Variants in SMG1 observed in about 807,000 individuals in gnomAD.
SMG1 encodes serine/threonine-protein kinase SMG1.
Under a neutral mutation model 419.9 loss-of-function variants are expected in SMG1, and 22 were observed. The observed-to-expected ratio is 0.05, with a 90% CI of 0.04 to 0.07. The LOEUF (loss-of-function observed/expected upper bound fraction) is 0.07, where lower values mean the gene tolerates loss of function less well. Ranked by LOEUF, SMG1 falls within the 10% of genes least tolerant of loss-of-function variation. The pLI, the probability that SMG1 is intolerant of heterozygous loss-of-function variation, is 1.00. For missense variants in SMG1, 3,185 were observed against 4,342.0 expected (o/e 0.73, Z 7.49); for synonymous variants, 1,538 against 1,553.5 (o/e 0.99, Z 0.23).
chr16:18,891,038 T>C, intron 4 of SMG1, 117 bp from the exon 5 acceptor site: 2 of 670,238 alleles, frequency 3.0e-6, no homozygotes, highest in Non-Finnish European at 5.4e-6. Context: ...CTTTAGTTTC[T>C]TTATTATTCC....
chr16:18,890,148 C>CT (rs2036813048), intron 5 of SMG1, among the ~76,000 whole-genome samples: 1 of 152,162 alleles, frequency 6.6e-6, no homozygotes, highest in Non-Finnish European at 1.5e-5. Flanking sequence ...TCTGGAGATT[C>CT]TAATAGCCAG....
intron 33 of SMG1, among the ~76,000 whole-genome samples, chr16:18,850,862 T>C (rs947578631): frequency 1.3e-5 from 2 of 152,184 alleles, no homozygotes; most frequent in Non-Finnish European, 2.9e-5. Flanking sequence ...CAAGCAATTC[T>C]CATGCCTCAG....
At chr16:18,839,560 T>A (rs2033790111) in intron 42 of SMG1, 138 bp downstream of exon 42, 2 of 1,123,218 alleles carry the variant, frequency 1.8e-6, no homozygotes, top group Non-Finnish European at 2.6e-6. Flanking sequence ...ACTGTAATAT[T>A]AAACTCAAAT....
In SMG1 at chr16:18,839,750, T is replaced by C. The variant is rs2033804252; in HGVS notation, c.6893A>G (p.Lys2298Arg). ...MEATPPNLLA[K>R]ELWSSCTTPD... is the part of the protein sequence containing the mutation. ...TGTTGTGCAAGATGACCAGAGCTCT[T>C]TGGCAAGGAGATTCGGGGGTGTGGC... Residue 2298 changes from lysine to arginine, a missense_variant, in exon 42 of 63, where the codon AAA becomes AGA. By Grantham distance (26) the Lys-to-Arg change is conservative. This residue lies in a region of SMG1 where 132 missense variants were observed against 151.0 expected (regional missense o/e 0.87). Coordinates refer to ENST00000446231, the MANE Select transcript of SMG1 (RefSeq NM_015092.5). The C allele has an allele frequency of 6.2e-7, 1 of 1,613,816 alleles. No homozygotes were observed. The highest frequency in any genetic ancestry group is 1.1e-5 in the South Asian group (1 of 91,082).
chr16:18,853,785 A>C lies in SMG1; in HGVS notation c.4566T>G (p.Ala1522=). ...ATTTAGCCAGTGTCAGAATTGATTT[A>C]GCAACTGCATATTCAGCTTTCACAG... ...CKSVKAEYAV[A]KSILTLAKWI... is the part of the protein sequence containing the mutation. Residue 1522 remains alanine, a synonymous_variant, in exon 31 of 63, where the codon GCT becomes GCG. Coordinates refer to ENST00000446231, the MANE Select transcript of SMG1 (RefSeq NM_015092.5). The C allele has an allele frequency of 6.2e-7, 1 of 1,613,924 alleles. No homozygotes were observed. The highest frequency in any genetic ancestry group is 8.5e-7 in the Non-Finnish European group (1 of 1,179,846).
At chr16:18,918,791 C>G (rs2038076022) in intron 1 of SMG1, among the ~76,000 whole-genome samples, 1 of 152,054 alleles carries the variant, frequency 6.6e-6, no homozygotes, top group South Asian at 2.1e-4. Flanking sequence ...TCAAGGCGGG[C>G]AGATCACCTG....
intron 56 of SMG1, among the ~76,000 whole-genome samples, chr16:18,817,875 A>G (rs1010960764): frequency 1.3e-5 from 2 of 152,046 alleles, no homozygotes; most frequent in Admixed American, 1.3e-4. Context: ...AGCTCATTTT[A>G]AAGGTATGAT....
chr16:18,863,972 T>C (rs2035350299), intron 24 of SMG1, 30 bp downstream of exon 24: 1 of 1,550,644 alleles, frequency 6.4e-7, no homozygotes, highest in Non-Finnish European at 8.7e-7. Flanking sequence ...ACTATAACTT[T>C]TGCTTTATTT....
chr16:18,874,163 G>C (rs1350680307), intron 13 of SMG1, among the ~76,000 whole-genome samples: 1 of 151,924 alleles, frequency 6.6e-6, no homozygotes, highest in African/African-American at 2.4e-5. Flanking sequence ...TTTTGAGACA[G>C]AGTCTGGTTC....
intron 36 of SMG1, 101 bp from the exon 37 acceptor site, chr16:18,848,134 T>A: frequency 3.2e-6 from 3 of 948,980 alleles, no homozygotes; most frequent in Non-Finnish European, 3.2e-6. Flanking sequence ...TCAAGAGCAC[T>A]CATTGAACTC....
rs1005512946 is a variant in SMG1 at position 18,829,692 on chromosome 16, G to C, written c.9197C>G (p.Thr3066Ser). The C allele has an allele frequency of 6.2e-7, 1 of 1,613,728 alleles. No individual in the cohort carries two copies. The highest frequency in any genetic ancestry group is 1.7e-5 in the Admixed American group (1 of 59,980). ...ACTGAAACAAGAGTTTCTAAAAAGG[G>C]TTTTCACATTGACAATCTGTACAGG... The part of the protein sequence containing the change: ...NGPVQIVNVK[T>S]LFRNSCFSED... The change falls in exon 54 of 63, where the codon ACC becomes AGC. Residue 3066 changes from threonine to serine, a missense_variant. Coordinates refer to ENST00000446231, the MANE Select transcript of SMG1 (RefSeq NM_015092.5).
Position 18,826,916 on chromosome 16 carries a change from G to A in SMG1, c.9741+1115C>T, listed in dbSNP as rs1235343853. On this transcript the variant is annotated intron_variant, in intron 55 of 62. Transcript: ENST00000446231. The stretch of plus-strand genomic sequence containing the variant: ...CTGTGCTAGCAATCAGCGAGATTCC[G>A]TGGGCGTAGGACCCTCTGAGCCAGG... Among the ~76,000 whole-genome samples, 18 of 56,454 alleles carry A rather than the reference G, an allele frequency of 3.2e-4. 1 individual carries two copies. Among genetic ancestry groups the A allele is most frequent in the African/African-American group, 1.0e-3 (17 of 16,770 alleles). The allele number at this position is 56,454 out of a possible 152,430, so 37.0% of individuals were successfully genotyped here. A position where few individuals can be genotyped will look rare whatever the true frequency, so the allele number is the denominator to read the frequency against.
At chr16:18,814,733 C>A (rs2031831212) in intron 60 of SMG1, among the ~76,000 whole-genome samples, 2 of 112,528 alleles carry the variant, frequency 1.8e-5, no homozygotes, top group Non-Finnish European at 4.2e-5. Context: ...TGGCACCACA[C>A]CCAGCTAATT....
intron 1 of SMG1, among the ~76,000 whole-genome samples, chr16:18,907,868 A>AAAAAAAAAAAAAAAAAAAAAAAG (rs1555505977): frequency 7.0e-6 from 1 of 142,704 alleles, no homozygotes; most frequent in Non-Finnish European, 1.5e-5. Flanking sequence ...AAAAAAAAAA[A>AAAAAAAAAAAAAAAAAAAAAAAG]AGAGACCCTA....
At chr16:18,863,024 A>G (rs557858669) in intron 25 of SMG1, among the ~76,000 whole-genome samples, 19 of 152,326 alleles carry the variant, frequency 1.2e-4, no homozygotes, top group Admixed American at 3.9e-4. Flanking sequence ...AATATTCTTT[A>G]TCTAATCTTT....
intron 1 of SMG1, among the ~76,000 whole-genome samples, chr16:18,904,161 T>TCTC (rs1225115443): frequency 4.0e-5 from 6 of 149,910 alleles, no homozygotes; most frequent in Admixed American, 3.3e-4. Context: ...ATGGTCTCGA[T>TCTC]CTCCTGATCT....
At chr16:18,912,392 AAAGT>A (rs567392848) in intron 1 of SMG1, among the ~76,000 whole-genome samples, 4 of 152,190 alleles carry the variant, frequency 2.6e-5, no homozygotes, top group East Asian at 1.9e-4. Context: ...ATAAGTAAGC[AAAGT>A]AAGGTGATAG....
At chr16:18,894,963 G>A (rs891950165) in intron 3 of SMG1, among the ~76,000 whole-genome samples, 1 of 152,042 alleles carries the variant, frequency 6.6e-6, no homozygotes, top group African/African-American at 2.4e-5. Flanking sequence ...GGCTACAGGC[G>A]CCCACCACCG....
At chr16:18,884,009 T>C in intron 9 of SMG1, 61 bp downstream of exon 9, 1 of 633,738 alleles carries the variant, frequency 1.6e-6, no homozygotes, top group Non-Finnish European at 2.7e-6. Context: ...AAAATAAATC[T>C]AGCACAATTT....
Sources: gnomAD v4.1 joint callset for allele counts (sites outside exome capture counted in the v4.1 genomes callset) on GRCh38, gnomAD v4.1.1 for gene constraint, gnomAD v4.1.1 regional missense constraint, MANE v1.5 for transcripts, NCBI Gene and HGNC (gene_info 2026-07-23, HGNC 2026-07-21) for gene names.